Variants in BPTF observed in about 807,000 individuals in gnomAD.
BPTF encodes nucleosome-remodeling factor subunit BPTF.
In BPTF, 18 loss-of-function variants were observed where a neutral mutation model predicts 292.5. The observed-to-expected ratio is 0.06, with a 90% CI of 0.04 to 0.09. The LOEUF is 0.09. BPTF is among the 10% of genes least tolerant of loss of function. The pLI is 1.00. For missense variants in BPTF, 2,726 were observed against 3,498.7 expected (o/e 0.78, Z 5.57); for synonymous variants, 1,225 against 1,251.9 (o/e 0.98, Z 0.45).
chr17:67,890,115 A>G (rs578251048), intron 4 of BPTF, among the ~76,000 whole-genome samples: 230 of 152,322 alleles, frequency 1.5e-3, no homozygotes, highest in Non-Finnish European at 2.6e-3. Context: ...CCAAAACTGT[A>G]GTAGTGTGAT....
At chr17:67,833,218 T>C (rs1275322697) in intron 1 of BPTF, among the ~76,000 whole-genome samples, 1 of 152,078 alleles carries the variant, frequency 6.6e-6, no homozygotes, top group Non-Finnish European at 1.5e-5. Flanking sequence ...TATATTTGAA[T>C]AACACTTCAT....
Position 67,909,810 on chromosome 17 carries a change from C to G in BPTF, c.2992+49C>G, listed in dbSNP as rs202042299. On this transcript the variant is annotated intron_variant, in intron 10 of 27. Coordinates refer to ENST00000306378, the MANE Select transcript of BPTF (RefSeq NM_182641.4). ...GCAGCCTGGGGGTGATAAGAATGCA[C>G]TGGATCAGGGTCCCACCACAGGAAA... The G allele has an allele frequency of 9.2e-4, 1,297 of 1,415,562 alleles. 1 individual carries two copies. The highest frequency in any genetic ancestry group is 1.1e-3 in the Non-Finnish European group (1,176 of 1,071,090). The allele number at this position is 1,415,562 out of a possible 1,614,324, so 87.7% of individuals were successfully genotyped here. A position where few individuals can be genotyped will look rare whatever the true frequency, so the allele number is the denominator to read the frequency against.
chr17:67,975,834 G>T lies in BPTF; in HGVS notation c.8602G>T (p.Ala2868Ser). 1.2e-6 allele frequency: 2 copies of T among 1,614,064 alleles called. No individual in the cohort carries two copies. Among genetic ancestry groups the T allele is most frequent in the Non-Finnish European group, 1.7e-6 (2 of 1,179,988 alleles). Residue 2868 changes from alanine to serine, a missense_variant, in exon 27 of 28, where the codon GCA (alanine) becomes TCA (serine). By Grantham distance (99) the Ala-to-Ser change is moderately conservative. Around this residue, in one of 22 missense-constraint regions of BPTF, gnomAD observed 27 missense variants for 66.1 expected, o/e 0.41. Coordinates refer to ENST00000306378, the MANE Select transcript of BPTF (RefSeq NM_182641.4). Reference protein sequence around the residue: ...RYYEKLTEFVADMTKIFDNCR... With the variant: ...RYYEKLTEFVSDMTKIFDNCR... ...TTATGAAAAGCTGACGGAATTTGTG[G>T]CAGATATGACCAAAATTTTTGATAA... is the stretch of plus-strand genomic sequence containing the variant.
intron 26 of BPTF, 83 bp from the exon 27 acceptor site, chr17:67,975,689 A>G (rs1373095608): frequency 7.8e-7 from 1 of 1,284,378 alleles, no homozygotes; most frequent in Non-Finnish European, 1.1e-6. Context: ...CAGTAAACAT[A>G]TATACTTGTT....
chr17:67,943,916 G>A (rs2065594482), intron 19 of BPTF, among the ~76,000 whole-genome samples: 1 of 152,196 alleles, frequency 6.6e-6, no homozygotes, highest in Non-Finnish European at 1.5e-5. Context: ...CTTGTGGACA[G>A]ATAACTGGCT....
chr17:67,959,271 C>G (rs1277240532), intron 23 of BPTF, among the ~76,000 whole-genome samples: 1 of 152,204 alleles, frequency 6.6e-6, no homozygotes, highest in Non-Finnish European at 1.5e-5. Context: ...GGACGCTCTT[C>G]CTAGCCACTT....
chr17:67,953,668 C>T (rs1555679519), intron 23 of BPTF, among the ~76,000 whole-genome samples: 1 of 151,358 alleles, frequency 6.6e-6, no homozygotes. Flanking sequence ...CTCCACCTCC[C>T]AGGTTGAAGC....
rs570275578 is a variant in BPTF at position 67,983,107 on chromosome 17, A to C, written c.*819A>C. 6.6e-6 allele frequency: 1 copy of C among 152,564 alleles called. No homozygotes were observed. Among genetic ancestry groups the C allele is most frequent in the East Asian group, 1.9e-4 (1 of 5,206 alleles). 9.5% of individuals were successfully genotyped at this position (152,564 alleles called of 1,614,324 possible). On this transcript the variant is annotated 3_prime_UTR_variant, in exon 28 of 28. Coordinates refer to ENST00000306378, the MANE Select transcript of BPTF (RefSeq NM_182641.4). ...TTTTCTTTTGTATTAAAATTCAACT[A>C]TGGATGTATATGAAACAAAATAAAT... is the stretch of plus-strand genomic sequence containing the variant.
At chr17:67,840,805 C>T (rs972960837) in intron 1 of BPTF, among the ~76,000 whole-genome samples, 17 of 152,048 alleles carry the variant, frequency 1.1e-4, no homozygotes, top group African/African-American at 3.1e-4. Flanking sequence ...TCAAGCAATC[C>T]GCCTGTCTCG....
At chr17:67,881,875 T>TG (rs2060445323) in intron 4 of BPTF, among the ~76,000 whole-genome samples, 8 of 131,952 alleles carry the variant, frequency 6.1e-5, no homozygotes, top group Non-Finnish European at 9.2e-5. Context: ...TTTTTTTTTT[T>TG]TTTTTTTTTG....
intron 1 of BPTF, among the ~76,000 whole-genome samples, chr17:67,828,520 T>C (rs2056332999): frequency 2.6e-5 from 4 of 152,176 alleles, no homozygotes; most frequent in African/African-American, 9.7e-5. Context: ...TTTGATACTT[T>C]TGTGACATTT....
chr17:67,908,429 A>G (rs569946124), intron 9 of BPTF, among the ~76,000 whole-genome samples: 1 of 150,974 alleles, frequency 6.6e-6, no homozygotes, highest in African/African-American at 2.4e-5. Context: ...TGCTGGGATT[A>G]CAGGCATGAG....
chr17:67,931,846 C>G, intron 17 of BPTF, 65 bp from the exon 18 acceptor site: 8 of 1,206,792 alleles, frequency 6.6e-6, no homozygotes, highest in Non-Finnish European at 7.1e-6. Context: ...ATCTTGTGTT[C>G]TAAGTCCATT....
In BPTF at chr17:67,870,486, G is replaced by A. The variant is rs149226396; in HGVS notation, c.1660+3799G>A. ...TGAGCATTCAAATAGAAGAATTCCC[G>A]ATTAAAACACCAGTTCACCACTGTT... On this transcript the variant is annotated intron_variant, in intron 3 of 27. Coordinates refer to ENST00000306378, the MANE Select transcript of BPTF (RefSeq NM_182641.4). Among the ~76,000 whole-genome samples the A allele has an allele frequency of 2.1e-3, 315 of 152,048 alleles. 1 individual carries two copies. The highest frequency in any genetic ancestry group is 7.2e-3 in the African/African-American group (297 of 41,514).
At chr17:67,906,456 G>T (rs1219878614) in intron 9 of BPTF, among the ~76,000 whole-genome samples, 2 of 152,154 alleles carry the variant, frequency 1.3e-5, no homozygotes, top group Non-Finnish European at 2.9e-5. Context: ...CTATAGAGAT[G>T]AACTGCTCTT....
Position 67,947,824 on chromosome 17 carries a change from G to T in BPTF, c.7700+16G>T. ...AGAATCAAAGGTAGGGGAGACGCAG[G>T]GTCTTGTTGTCTGTCCGTCTCTTCT... On this transcript the variant is annotated intron_variant, in intron 22 of 27. Transcript: ENST00000306378. 1.9e-6 allele frequency: 3 copies of T among 1,549,018 alleles called. No individual in the cohort carries two copies. Among genetic ancestry groups the T allele is most frequent in the Non-Finnish European group, 2.6e-6 (3 of 1,145,296 alleles).
At chr17:67,915,894 C>G (rs967620865) in intron 11 of BPTF, among the ~76,000 whole-genome samples, 7 of 152,170 alleles carry the variant, frequency 4.6e-5, no homozygotes, top group Admixed American at 3.3e-4. Context: ...CTTGAATGAG[C>G]AGACTTACCG....
At chr17:67,839,845 A>G (rs1419974804) in intron 1 of BPTF, among the ~76,000 whole-genome samples, 3 of 152,272 alleles carry the variant, frequency 2.0e-5, no homozygotes, top group African/African-American at 7.2e-5. Flanking sequence ...TTTATGAGAA[A>G]CTGCCAAAAC....
rs549922206 is a variant in BPTF at position 67,894,112 on chromosome 17, A to G, written c.2490A>G (p.Ala830=). 2 of 1,614,154 alleles carry G rather than the reference A, an allele frequency of 1.2e-6. No individual in the cohort carries two copies. The highest frequency in any genetic ancestry group is 3.3e-5 in the Admixed American group (2 of 60,022). The change falls in exon 7 of 28, where the codon GCA becomes GCG. Residue 830 remains alanine (A), a synonymous_variant. Coordinates refer to ENST00000306378, the MANE Select transcript of BPTF (RefSeq NM_182641.4). ...TGGCTTTAGCCATTTTGGAGTGTGC[A>G]GTTAAACCAGTTGTGATGCTACCAA... ...FALALAILEC[A]VKPVVMLPIW...
Sources: allele counts gnomAD v4.1 joint callset (sites outside exome capture counted in the v4.1 genomes callset), GRCh38; gene constraint gnomAD v4.1.1; regional missense constraint gnomAD v4.1.1; transcripts MANE v1.5; gene names NCBI Gene and HGNC (gene_info 2026-07-23, HGNC 2026-07-21).